PAPPA2: variants seen among roughly 807,000 people sequenced by gnomAD.
The protein encoded by PAPPA2 is pappalysin 2.
In PAPPA2, 86 loss-of-function variants were observed where a neutral mutation model predicts 176.4. That is an observed-to-expected ratio of 0.49 (90% confidence interval 0.41 to 0.58). PAPPA2 has a LOEUF of 0.58. PAPPA2 is among the 20% of genes least tolerant of loss of function. The pLI, the probability that PAPPA2 is intolerant of heterozygous loss-of-function variation, is 0.00. For synonymous variants in PAPPA2, 809 were observed against 852.2 expected, an observed-to-expected ratio of 0.95 and a Z score of 0.88; for missense variants, 2,073 against 2,256.9, an observed-to-expected ratio of 0.92 and a Z score of 1.65.
Position 176,690,543 on chromosome 1 carries a change from C to G in PAPPA2, c.2431+113C>G. On this transcript the variant is annotated intron_variant, in intron 5 of 22. Transcript: ENST00000367662. The stretch of plus-strand genomic sequence containing the variant: ...AGAATGATTAAGTGGTCATTTGTGT[C>G]GGAGAGTTGAAGTGTATTTATTATA... The G allele has an allele frequency of 2.7e-6, 4 of 1,509,124 alleles. No homozygotes were observed. In the South Asian group the frequency reaches 4.1e-5, roughly 15 times the overall value. 93.5% of individuals were successfully genotyped at this position (1,509,124 alleles called of 1,614,324 possible). A position where few individuals can be genotyped will look rare whatever the true frequency, so the allele number is the denominator to read the frequency against.
In PAPPA2 at chr1:176,720,484, C is replaced by A. The variant is rs189805453; in HGVS notation, c.3798+8503C>A. On this transcript the variant is annotated intron_variant, in intron 12 of 22. Coordinates refer to ENST00000367662, the MANE Select transcript of PAPPA2 (RefSeq NM_020318.3). ...TTAAGAATGTTCAGTTTTAAACTTACCAACTTACCGTTTCTTATTCATTTG... is the reference window on the plus strand; with the variant it reads ...TTAAGAATGTTCAGTTTTAAACTTAACAACTTACCGTTTCTTATTCATTTG... 1.3e-3 allele frequency among the ~76,000 whole-genome samples: 194 copies of A among 152,128 alleles called. 1 individual carries two copies. Among genetic ancestry groups the A allele is most frequent in the African/African-American group, 4.4e-3 (183 of 41,524 alleles).
intron 1 of PAPPA2, among the ~76,000 whole-genome samples, chr1:176,464,906 C>T (rs1369446893): frequency 6.6e-6 from 1 of 152,118 alleles, no homozygotes. Flanking sequence ...GTGGTTATCA[C>T]CGGATAGGTG....
intron 3 of PAPPA2, among the ~76,000 whole-genome samples, chr1:176,606,557 C>T (rs978835915): frequency 6.6e-6 from 1 of 152,134 alleles, no homozygotes; most frequent in African/African-American, 2.4e-5. Flanking sequence ...CTCCACCTCC[C>T]AGGTTCAAGT....
intron 4 of PAPPA2, 98 bp from the exon 5 acceptor site, chr1:176,690,039 C>A: frequency 1.7e-6 from 2 of 1,152,406 alleles, no homozygotes; most frequent in Non-Finnish European, 2.5e-6. Context: ...TCCTTAGAGG[C>A]TGAAATGGAA....
intron 12 of PAPPA2, among the ~76,000 whole-genome samples, chr1:176,726,790 G>T (rs1661896321): frequency 2.0e-5 from 3 of 152,174 alleles, no homozygotes; most frequent in Admixed American, 6.5e-5. Context: ...TGGTATACAG[G>T]CCATTTACTA....
chr1:176,572,444 C>A (rs1290339095), intron 2 of PAPPA2, among the ~76,000 whole-genome samples: 1 of 152,114 alleles, frequency 6.6e-6, no homozygotes, highest in Non-Finnish European at 1.5e-5. Context: ...AGACTGTTTC[C>A]TCTAGTTTCC....
chr1:176,543,101 C>T (rs1244313731), intron 1 of PAPPA2, among the ~76,000 whole-genome samples: 1 of 152,162 alleles, frequency 6.6e-6, no homozygotes, highest in African/African-American at 2.4e-5. Context: ...TACTCTATTT[C>T]AGATAGAGTG....
chr1:176,559,850 C>T (rs999802822), intron 2 of PAPPA2, among the ~76,000 whole-genome samples: 2 of 152,208 alleles, frequency 1.3e-5, no homozygotes, highest in African/African-American at 2.4e-5. Context: ...CAACTTAAAC[C>T]CAGTTTCCCA....
rs374196102 is a variant in PAPPA2, at chr1:176,781,712, T to C, written c.4716-8097T>C. 1.3e-4 allele frequency among the ~76,000 whole-genome samples: 20 copies of C among 152,266 alleles called. No individual in the cohort carries two copies. In the East Asian group the frequency reaches 3.1e-3, roughly 24 times the overall value. On this transcript the variant is annotated intron_variant, in intron 17 of 22. Coordinates refer to ENST00000367662, the MANE Select transcript of PAPPA2 (RefSeq NM_020318.3). ...GTCTAGATCACTGTTTCTCAGTCTT[T>C]AATATGCATAGGAATTATTTGGGGG...
intron 1 of PAPPA2, among the ~76,000 whole-genome samples, chr1:176,500,516 A>T (rs1308910105): frequency 6.7e-6 from 1 of 148,444 alleles, no homozygotes; most frequent in Non-Finnish European, 1.5e-5. Context: ...TTATACATTT[A>T]TATATAATTT....
chr1:176,803,387 G>A (rs897049122), intron 21 of PAPPA2, among the ~76,000 whole-genome samples: 1 of 152,162 alleles, frequency 6.6e-6, no homozygotes, highest in African/African-American at 2.4e-5. Context: ...AGAATGCAGG[G>A]GCATTGCTGC....
chr1:176,648,972 C>T (rs913622817), intron 3 of PAPPA2, among the ~76,000 whole-genome samples: 3 of 151,522 alleles, frequency 2.0e-5, no homozygotes, highest in African/African-American at 7.2e-5. Flanking sequence ...GTATTCTCTC[C>T]TCTTCAATTT....
Position 176,529,741 on chromosome 1 carries a change from C to T in PAPPA2, c.-916-25666C>T, listed in dbSNP as rs556856706. 3.9e-4 allele frequency among the ~76,000 whole-genome samples: 59 copies of T among 152,078 alleles called. 1 individual carries two copies. Among genetic ancestry groups the T allele is most frequent in the South Asian group, 4.1e-4 (2 of 4,822 alleles). On this transcript the variant is annotated intron_variant, in intron 1 of 22. Transcript: ENST00000367662. ...TAGCTCTGTTTTCAATACCGTGGAACGTTTGGCAGCATGGTGATCCATCAC... is the reference window on the plus strand; with the variant it reads ...TAGCTCTGTTTTCAATACCGTGGAATGTTTGGCAGCATGGTGATCCATCAC...
At chr1:176,504,156 C>G (rs1372867465) in intron 1 of PAPPA2, among the ~76,000 whole-genome samples, 2 of 152,126 alleles carry the variant, frequency 1.3e-5, no homozygotes, top group East Asian at 3.9e-4. Flanking sequence ...TGGCCAATAT[C>G]AAACTCTTCT....
At chr1:176,523,629 T>C (rs1354113988) in intron 1 of PAPPA2, among the ~76,000 whole-genome samples, 1 of 152,274 alleles carries the variant, frequency 6.6e-6, no homozygotes, top group Non-Finnish European at 1.5e-5. Context: ...GAAATTCATT[T>C]ATTCATTCAT....
chr1:176,678,160 A>G (rs1030325850), intron 4 of PAPPA2, among the ~76,000 whole-genome samples: 28 of 152,186 alleles, frequency 1.8e-4, no homozygotes, highest in Admixed American at 6.5e-5. Context: ...TGTGCTTTGC[A>G]TGACCACAGC....
At chr1:176,673,716 ATTAT>A (rs1039008171) in intron 4 of PAPPA2, among the ~76,000 whole-genome samples, 12 of 152,312 alleles carry the variant, frequency 7.9e-5, no homozygotes, top group African/African-American at 2.9e-4. Context: ...TACTTTAAAA[ATTAT>A]TTATTTGAAG....
chr1:176,765,682 T>C lies in PAPPA2; in HGVS notation c.4168T>C (p.Cys1390Arg), dbSNP rs190146870. 2.5e-6 allele frequency: 4 copies of C among 1,614,040 alleles called. No individual in the cohort carries two copies. The highest frequency in any genetic ancestry group is 1.7e-5 in the Admixed American group (1 of 60,016). The change falls in exon 15 of 23, where the codon TGT (cysteine) becomes CGT (arginine). Residue 1390 changes from cysteine (C) to arginine (R), a missense_variant. Physicochemically the swap from Cys to Arg is radical, Grantham distance 180. This residue lies in a region of PAPPA2 where 846 missense variants were observed against 857.9 expected (regional missense o/e 0.99). Transcript: ENST00000367662. Reference protein sequence around the residue: ...HQGQSCIHRPCGKQDSCPSLL... With the variant: ...HQGQSCIHRPRGKQDSCPSLL... ...TTATCCCAGCTGTATCCATCGGCCC[T>C]GTGGGAAGCAGGACAGCTGTCCGTC...
At chr1:176,497,416 A>T (rs1323703907) in intron 1 of PAPPA2, among the ~76,000 whole-genome samples, 1 of 152,172 alleles carries the variant, frequency 6.6e-6, no homozygotes, top group Non-Finnish European at 1.5e-5. Context: ...AATTATTAAA[A>T]TATAAATAAA....
Sources: allele counts gnomAD v4.1 joint callset (sites outside exome capture counted in the v4.1 genomes callset), GRCh38; gene constraint gnomAD v4.1.1; regional missense constraint gnomAD v4.1.1; transcripts MANE v1.5; gene names NCBI Gene and HGNC (gene_info 2026-07-23, HGNC 2026-07-21).